Variants in STOX2 observed in about 807,000 individuals in gnomAD.
The protein encoded by STOX2 is storkhead-box protein 2.
STOX2 carries 28 observed loss-of-function variants against 60.9 expected under a neutral mutation model. The ratio of observed to expected loss-of-function variants is 0.46; its 90% CI spans 0.34 to 0.63. The LOEUF (loss-of-function observed/expected upper bound fraction) is 0.63, where lower values mean the gene tolerates loss of function less well. Among genes scored for constraint, STOX2 ranks in the 30% least tolerant of loss-of-function variants. STOX2 has a pLI of 0.01. For missense variants in STOX2, 1,024 were observed against 1,187.7 expected, an observed-to-expected ratio of 0.86 and a Z score of 2.03; for synonymous variants, 472 against 463.9, an observed-to-expected ratio of 1.02 and a Z score of -0.22.
upstream of STOX2, among the ~76,000 whole-genome samples, chr4:183,904,288 G>T (rs920797064): frequency 6.6e-6 from 1 of 152,230 alleles, no homozygotes; most frequent in African/African-American, 2.4e-5. Flanking sequence ...GCTGCACGGG[G>T]TCCGTAAATA....
chr4:183,901,541 A>G (rs1741459058), upstream of STOX2, among the ~76,000 whole-genome samples: 1 of 151,582 alleles, frequency 6.6e-6, no homozygotes, highest in South Asian at 2.1e-4. Context: ...ACAGTGCACA[A>G]AGGTTCCAGT....
At chr4:183,890,557 G>A (rs1026476455) in intron 1 of STOX2, among the ~76,000 whole-genome samples, 1 of 149,452 alleles carries the variant, frequency 6.7e-6, no homozygotes, top group African/African-American at 2.5e-5. Flanking sequence ...AGGGAGGAAT[G>A]GAGGGAGGAA....
intron 1 of STOX2, among the ~76,000 whole-genome samples, chr4:183,881,581 C>T (rs1345829931): frequency 1.3e-5 from 2 of 152,154 alleles, no homozygotes; most frequent in African/African-American, 4.8e-5. Flanking sequence ...TGTTAAATAA[C>T]TAAATGGAAT....
intron 1 of STOX2, among the ~76,000 whole-genome samples, chr4:183,944,569 T>C (rs1360680755): frequency 6.6e-6 from 1 of 152,030 alleles, no homozygotes; most frequent in African/African-American, 2.4e-5. Flanking sequence ...CAAAAGTTAG[T>C]CAAGCGTGGT....
chr4:183,858,412 G>T (rs1297258870), intron 1 of STOX2, among the ~76,000 whole-genome samples: 1 of 152,158 alleles, frequency 6.6e-6, no homozygotes, highest in African/African-American at 2.4e-5. Context: ...TGCTGTCGTT[G>T]CGCTCAGCTC....
intron 1 of STOX2, among the ~76,000 whole-genome samples, chr4:183,852,212 A>G (rs62652542): frequency 0.23 from 2,744 of 12,156 alleles, 36 homozygotes; most frequent in East Asian, 0.33. Context: ...AAAGGATGAG[A>G]GAAAGGATGA....
At chr4:183,876,940 C>T (rs949205172) in intron 1 of STOX2, among the ~76,000 whole-genome samples, 4 of 152,108 alleles carry the variant, frequency 2.6e-5, no homozygotes, top group East Asian at 1.9e-4. Context: ...GGAACATGGC[C>T]GTGCCGTTCA....
chr4:183,872,495 A>G (rs188403077), intron 1 of STOX2, among the ~76,000 whole-genome samples: 54 of 152,376 alleles, frequency 3.5e-4, no homozygotes, highest in East Asian at 3.1e-3. Flanking sequence ...TGTATTTAAA[A>G]AAAAATCACA....
chr4:183,830,998 A>G (rs900682031), intron 1 of STOX2, among the ~76,000 whole-genome samples: 1 of 149,546 alleles, frequency 6.7e-6, no homozygotes, highest in South Asian at 2.1e-4. Context: ...GGCTGGTGGT[A>G]GAAGAATCCT....
intron 1 of STOX2, among the ~76,000 whole-genome samples, chr4:183,889,895 A>T (rs1741166887): frequency 6.6e-6 from 1 of 152,334 alleles, no homozygotes; most frequent in Middle Eastern, 3.4e-3. Context: ...GATGGATTTC[A>T]TAATTGATTG....
chr4:183,917,742 G>A (rs1289192926), intron 1 of STOX2, among the ~76,000 whole-genome samples: 5 of 152,198 alleles, frequency 3.3e-5, no homozygotes, highest in Admixed American at 3.3e-4. Flanking sequence ...TTCCTTATTT[G>A]TGAGAGTGGC....
intron 1 of STOX2, among the ~76,000 whole-genome samples, chr4:183,874,991 A>ATATATATATATATATG (rs150927457): frequency 5.9e-5 from 5 of 84,886 alleles, no homozygotes; most frequent in African/African-American, 8.6e-5. Flanking sequence ...ATATATATAT[A>ATATATATATATATATG]TAAAACTTAG....
chr4:183,946,778 A>AT (rs1268967174), intron 1 of STOX2, among the ~76,000 whole-genome samples: 43 of 152,090 alleles, frequency 2.8e-4, no homozygotes, highest in African/African-American at 9.9e-4. Context: ...GGTGCGTGCC[A>AT]CCACATCCAG....
intron 1 of STOX2, among the ~76,000 whole-genome samples, chr4:183,968,879 A>G (rs1429822794): frequency 1.3e-5 from 2 of 152,246 alleles, no homozygotes; most frequent in African/African-American, 4.8e-5. Context: ...TTAAGTACAT[A>G]TGACTTCCTT....
At chr4:183,948,234 A>AAAAAAAAAAAC (rs1742957767) in intron 1 of STOX2, among the ~76,000 whole-genome samples, 1 of 150,632 alleles carries the variant, frequency 6.6e-6, no homozygotes, top group African/African-American at 2.4e-5. Context: ...AAAAAAAAAA[A>AAAAAAAAAAAC]AAAAAAAAAA....
At chr4:183,960,778 T>C (rs1743390669) in intron 1 of STOX2, among the ~76,000 whole-genome samples, 1 of 152,224 alleles carries the variant, frequency 6.6e-6, no homozygotes, top group African/African-American at 2.4e-5. Flanking sequence ...TCCTTGAAAT[T>C]GGCTGGTTTA....
chr4:183,890,339 T>C lies in STOX2; in HGVS notation c.364+92284T>C, dbSNP rs186703952. Among the ~76,000 whole-genome samples the C allele has an allele frequency of 2.3e-3, 357 of 151,950 alleles. 3 individuals carry two copies. Among genetic ancestry groups the C allele is most frequent in the Admixed American group, 0.014 (216 of 15,270 alleles). On this transcript the variant is annotated intron_variant, in intron 1 of 2. Transcript: ENST00000513034. Reference sequence around the variant, plus strand: ...CTCTACTAAAAATACAAAAATTAGCTGGGTGTGGCAGCTTGCACCTGTAGT... The same window carrying C: ...CTCTACTAAAAATACAAAAATTAGCCGGGTGTGGCAGCTTGCACCTGTAGT...
At chr4:183,990,223 A>T (rs1055134378) in intron 1 of STOX2, among the ~76,000 whole-genome samples, 1 of 152,154 alleles carries the variant, frequency 6.6e-6, no homozygotes, top group African/African-American at 2.4e-5. Context: ...AATTCTACCC[A>T]TCCTTAAGGA....
At chr4:183,870,471 T>G (rs1273687762) in intron 1 of STOX2, among the ~76,000 whole-genome samples, 1 of 152,242 alleles carries the variant, frequency 6.6e-6, no homozygotes, top group Non-Finnish European at 1.5e-5. Flanking sequence ...TTAGAGATTA[T>G]GTTGGTTTTT....
Sources: gnomAD v4.1 joint callset for allele counts (sites outside exome capture counted in the v4.1 genomes callset) on GRCh38, gnomAD v4.1.1 for gene constraint, MANE v1.5 for transcripts, NCBI Gene and HGNC (gene_info 2026-07-23, HGNC 2026-07-21) for gene names.